Variants in GFOD1 observed in about 807,000 individuals in gnomAD.
GFOD1 encodes the protein glucose-fructose oxidoreductase domain-containing protein 1.
In GFOD1, 9 loss-of-function variants were observed where a neutral mutation model predicts 25.4. That is an observed-to-expected ratio of 0.35 (90% CI 0.21 to 0.62). The LOEUF (loss-of-function observed/expected upper bound fraction) is 0.62. Ranked by LOEUF, GFOD1 falls within the 20% of genes least tolerant of loss-of-function variation. The probability of loss-of-function intolerance (pLI) is 0.72; values close to 1 mark genes in which losing one functional copy is unlikely to be tolerated. For missense variants in GFOD1, 403 were observed against 556.9 expected, an observed-to-expected ratio of 0.72 and a Z score of 2.78; for synonymous variants, 253 against 245.6, an observed-to-expected ratio of 1.03 and a Z score of -0.28.
chr6:13,360,347 T>C lies in GFOD1; in HGVS notation c.*4396A>G. ...GAGATCAGATCAGAAACCCAACTTA[T>C]GATCACAGGCCAAATTCAATAGCTG... On this transcript the variant is annotated 3_prime_UTR_variant, in exon 2 of 2. Transcript: ENST00000379287. The C allele has an allele frequency of 7.4e-6, 2 of 271,930 alleles. No homozygotes were observed. Among genetic ancestry groups the C allele is most frequent in the Non-Finnish European group, 1.5e-5 (2 of 137,272 alleles). The allele number at this position is 271,930 out of a possible 1,614,324, so 16.8% of individuals were successfully genotyped here.
chr6:13,426,544 C>A (rs1048959097), intron 1 of GFOD1, among the ~76,000 whole-genome samples: 9 of 152,292 alleles, frequency 5.9e-5, no homozygotes, highest in Middle Eastern at 6.8e-3. Flanking sequence ...CATTGCCTGT[C>A]CCTTAAACGC....
In GFOD1 at chr6:13,432,675, T is replaced by C. The variant is rs138388640; in HGVS notation, c.253+53963A>G. 3.1e-4 allele frequency among the ~76,000 whole-genome samples: 47 copies of C among 152,290 alleles called. No individual in the cohort carries two copies. The East Asian group carries it at 8.5e-3, about 27-fold the overall frequency. ...CATCCAGTCCCTTACCTTGCTGTTA[T>C]CACAACACCCAGCTACACGGTTTCC... On this transcript the variant is annotated intron_variant, in intron 1 of 1. Transcript: ENST00000379287.
At chr6:13,438,802 C>A (rs1757871148) in intron 1 of GFOD1, among the ~76,000 whole-genome samples, 1 of 152,106 alleles carries the variant, frequency 6.6e-6, no homozygotes, top group Non-Finnish European at 1.5e-5. Context: ...CATCCTAGCA[C>A]TAATAAATGC....
At chr6:13,394,430 G>A (rs551389952) in intron 1 of GFOD1, among the ~76,000 whole-genome samples, 1 of 148,906 alleles carries the variant, frequency 6.7e-6, no homozygotes, top group African/African-American at 2.5e-5. Flanking sequence ...AAGGATGGAA[G>A]GAGCTTTTCA....
At chr6:13,389,292 TA>T (rs1785537127) in intron 1 of GFOD1, among the ~76,000 whole-genome samples, 8 of 152,230 alleles carry the variant, frequency 5.3e-5, no homozygotes, top group Admixed American at 5.2e-4. Context: ...TAAATCAAGC[TA>T]CTTTAAAGAC....
Position 13,365,577 on chromosome 6 carries a change from C to T in GFOD1, c.339G>A (p.Lys113=), listed in dbSNP as rs200137452. Residue 113 remains lysine (K), a synonymous_variant, in exon 2 of 2, where the codon AAG becomes AAA. Transcript: ENST00000379287. This position sits in a 1 kb window ranked among gnomAD's most constrained non-coding sequence, Gnocchi z 9.2. Reference sequence around the variant, plus strand: ...GCACGTTGCCCATGATGCTCATGAGCTTGGGGTAGTAGTGGGCGGCCGAGG... The same window carrying T: ...GCACGTTGCCCATGATGCTCATGAGTTTGGGGTAGTAGTGGGCGGCCGAGG... ...RMTSAAHYYP[K]LMSIMGNVLR... is the part of the protein sequence containing the mutation. 190 of 1,609,680 alleles carry T rather than the reference C, an allele frequency of 1.2e-4. No homozygotes were observed. The highest frequency in any genetic ancestry group is 1.5e-4 in the Non-Finnish European group (177 of 1,179,938).
intron 1 of GFOD1, chr6:13,470,273 T>G: frequency 6.3e-7 from 1 of 1,591,540 alleles, no homozygotes. Context: ...CCTCCTGGAA[T>G]CCCCCATGCC....
At chr6:13,440,520 A>T (rs1321254982) in intron 1 of GFOD1, among the ~76,000 whole-genome samples, 1 of 152,132 alleles carries the variant, frequency 6.6e-6, no homozygotes, top group Non-Finnish European at 1.5e-5. Context: ...TGAACCATGT[A>T]CACCTCCTGG....
chr6:13,384,964 C>A (rs1785435608), intron 1 of GFOD1, among the ~76,000 whole-genome samples: 1 of 152,124 alleles, frequency 6.6e-6, no homozygotes. Context: ...TGTTTCCATT[C>A]TCAAAAGGCA....
At chr6:13,417,240 G>T (rs190833489) in intron 1 of GFOD1, among the ~76,000 whole-genome samples, 1 of 152,144 alleles carries the variant, frequency 6.6e-6, no homozygotes, top group African/African-American at 2.4e-5. Flanking sequence ...TGCAAGCTCC[G>T]CTTCCCGGGT....
rs563143993 is a variant in GFOD1, at chr6:13,380,790, CA to C, written c.254-15129del. 2.6e-5 allele frequency among the ~76,000 whole-genome samples: 4 copies of C among 152,290 alleles called. No homozygotes were observed. The South Asian group carries it at 8.3e-4, about 32-fold the overall frequency. ...TGATATTTTCATAGGTCTATGCTACCATCCTCACTAGGCTGAGGATCGCTGG... is the reference window on the plus strand; with the variant it reads ...TGATATTTTCATAGGTCTATGCTACCTCCTCACTAGGCTGAGGATCGCTGG... On this transcript the variant is annotated intron_variant, in intron 1 of 1. Transcript: ENST00000379287.
At chr6:13,457,849 G>A (rs1358491380) in intron 1 of GFOD1, among the ~76,000 whole-genome samples, 2 of 152,146 alleles carry the variant, frequency 1.3e-5, no homozygotes, top group Non-Finnish European at 2.9e-5. Flanking sequence ...CCGTTCCAGC[G>A]GCAGCCTGCA....
At chr6:13,382,373 G>A (rs1481690945) in intron 1 of GFOD1, among the ~76,000 whole-genome samples, 2 of 150,428 alleles carry the variant, frequency 1.3e-5, no homozygotes, top group Non-Finnish European at 2.9e-5. Flanking sequence ...TTTCCATGCT[G>A]TTCTCATGAT....
chr6:13,431,081 C>T lies in GFOD1; in HGVS notation c.253+55557G>A, dbSNP rs76418777. On this transcript the variant is annotated intron_variant, in intron 1 of 1. Coordinates refer to ENST00000379287, the MANE Select transcript of GFOD1 (RefSeq NM_018988.4). ...GGACTGAATCAGGGCCATTTAATTTCACATTGCTTATTTTGAATCACTATG... is the reference window on the plus strand; with the variant it reads ...GGACTGAATCAGGGCCATTTAATTTTACATTGCTTATTTTGAATCACTATG... Among the ~76,000 whole-genome samples, 734 of 152,300 alleles carry T rather than the reference C, an allele frequency of 4.8e-3. 5 individuals are homozygous for T. The highest frequency in any genetic ancestry group is 0.017 in the African/African-American group (692 of 41,564).
At chr6:13,470,667 C>T in intron 1 of GFOD1, 2 of 1,439,948 alleles carry the variant, frequency 1.4e-6, no homozygotes, top group Non-Finnish European at 9.1e-7. Context: ...AAGAGGAACA[C>T]ATCTCATTTT....
intron 1 of GFOD1, among the ~76,000 whole-genome samples, chr6:13,452,728 G>A (rs1398160478): frequency 2.6e-5 from 4 of 152,126 alleles, no homozygotes; most frequent in South Asian, 2.1e-4. Context: ...CATTAGGATC[G>A]GCTGAGCCAA....
At chr6:13,437,737 A>G (rs1472873397) in intron 1 of GFOD1, among the ~76,000 whole-genome samples, 2 of 152,164 alleles carry the variant, frequency 1.3e-5, no homozygotes, top group African/African-American at 2.4e-5. Context: ...GGGCCAAAAT[A>G]CTGATCATGA....
intron 1 of GFOD1, among the ~76,000 whole-genome samples, chr6:13,449,899 T>C (rs1758065932): frequency 1.3e-5 from 2 of 152,232 alleles, no homozygotes; most frequent in Non-Finnish European, 2.9e-5. Context: ...TAAGACTTTG[T>C]ACTTCCTCTC....
chr6:13,447,911 T>G (rs992368633), intron 1 of GFOD1, among the ~76,000 whole-genome samples: 4 of 152,150 alleles, frequency 2.6e-5, no homozygotes, highest in Middle Eastern at 3.4e-3. Context: ...GGGCTGGAAC[T>G]CTATCCTGAG....
Sources: gnomAD v4.1 joint callset for allele counts (sites outside exome capture counted in the v4.1 genomes callset) on GRCh38, gnomAD v4.1.1 for gene constraint, Gnocchi (gnomAD v3.1) non-coding constraint, MANE v1.5 for transcripts, NCBI Gene and HGNC (gene_info 2026-07-23, HGNC 2026-07-21) for gene names.